Variants in EDC3 observed in about 807,000 individuals in gnomAD.
The protein encoded by EDC3 is enhancer of mRNA-decapping protein 3.
Under a neutral mutation model 41.8 loss-of-function variants are expected in EDC3, and 20 were observed. The ratio of observed to expected loss-of-function variants is 0.48; its 90% CI spans 0.34 to 0.70. The LOEUF (loss-of-function observed/expected upper bound fraction) is 0.70, where lower values mean the gene tolerates loss of function less well. EDC3 is among the 30% of genes least tolerant of loss of function. The pLI, the probability that EDC3 is intolerant of heterozygous loss-of-function variation, is 0.01. For synonymous variants in EDC3, 206 were observed against 243.2 expected (o/e 0.85, Z 1.42); for missense variants, 444 against 636.8 (o/e 0.70, Z 3.26).
intron 3 of EDC3, among the ~76,000 whole-genome samples, chr15:74,659,828 T>G (rs2062600183): frequency 6.6e-6 from 1 of 151,948 alleles, no homozygotes; most frequent in South Asian, 2.1e-4. Flanking sequence ...GGGCGGATCA[T>G]GAGGTCAGGA....
intron 1 of EDC3, chr15:74,679,777 A>AC (rs1170558747): frequency 2.0e-5 from 3 of 149,432 alleles, no homozygotes; most frequent in Admixed American, 6.7e-5. Flanking sequence ...AAAAAAAAAA[A>AC]AAAAACAGGT....
intron 5 of EDC3, 185 bp from the exon 6 acceptor site, chr15:74,635,811 C>A: frequency 3.3e-6 from 2 of 605,844 alleles, no homozygotes; most frequent in Non-Finnish European, 5.8e-6. Flanking sequence ...CTCCTGTTGT[C>A]CCAAACCCCA....
chr15:74,664,919 C>T (rs1344412146), intron 3 of EDC3, among the ~76,000 whole-genome samples: 1 of 152,230 alleles, frequency 6.6e-6, no homozygotes, highest in Non-Finnish European at 1.5e-5. Context: ...CATTTCTCTC[C>T]ACCTCCAGTA....
At position 74,632,144 on chromosome 15, in the gene EDC3, A is replaced by T. The variant is rs963417450; in HGVS notation, c.*468T>A. On this transcript the variant is annotated 3_prime_UTR_variant, in exon 7 of 7. Transcript: ENST00000315127. This position sits in a 1 kb window ranked among gnomAD's most constrained non-coding sequence, Gnocchi z 4.0. ...AGAGTGCAGGTCTGCCCTCTGGTGG[A>T]CAGCTGCCGTGCAGCTGGTTCTACA... 69 of 199,174 alleles carry T rather than the reference A, an allele frequency of 3.5e-4. No individual in the cohort carries two copies. Among genetic ancestry groups the T allele is most frequent in the African/African-American group, 1.4e-3 (62 of 43,438 alleles). The allele number at this position is 199,174 out of a possible 1,614,324, so 12.3% of individuals were successfully genotyped here.
At chr15:74,656,868 G>A (rs929329121) in intron 3 of EDC3, among the ~76,000 whole-genome samples, 3 of 152,212 alleles carry the variant, frequency 2.0e-5, no homozygotes, top group Non-Finnish European at 4.4e-5. Flanking sequence ...GGATGTCAGA[G>A]AGAAGTGGCT....
intron 4 of EDC3, among the ~76,000 whole-genome samples, chr15:74,655,027 T>C (rs1170503517): frequency 6.6e-6 from 1 of 152,200 alleles, no homozygotes; most frequent in African/African-American, 2.4e-5. Flanking sequence ...GCCCAGTTAG[T>C]AATGTGGTTT....
intron 1 of EDC3, chr15:74,679,740 T>TGA (rs1213270707): frequency 4.6e-5 from 5 of 109,838 alleles, no homozygotes; most frequent in Middle Eastern, 7.9e-3. Context: ...GGCAACACAG[T>TGA]GAGACCTTAT....
intron 4 of EDC3, chr15:74,642,484 T>A (rs938102486): frequency 1.3e-5 from 2 of 152,206 alleles, no homozygotes; most frequent in African/African-American, 4.8e-5. Flanking sequence ...TCAGAACTAA[T>A]TAGGCTGAAC....
intron 3 of EDC3, among the ~76,000 whole-genome samples, chr15:74,659,778 G>A (rs2062599692): frequency 6.6e-6 from 1 of 152,014 alleles, no homozygotes; most frequent in Non-Finnish European, 1.5e-5. Context: ...TGGGAGCGGT[G>A]GCTCATGCCT....
At chr15:74,663,684 C>A (rs2062646838) in intron 3 of EDC3, among the ~76,000 whole-genome samples, 1 of 135,498 alleles carries the variant, frequency 7.4e-6, no homozygotes, top group Admixed American at 7.6e-5. Flanking sequence ...AGAAAGAAAA[C>A]TTTTGTTCAG....
rs147740890 is a variant in EDC3 at position 74,651,576 on chromosome 15, G to T, written c.820+4157C>A. 8.3e-3 allele frequency among the ~76,000 whole-genome samples: 1,257 copies of T among 152,326 alleles called. 5 individuals carry two copies. Among genetic ancestry groups the T allele is most frequent in the Non-Finnish European group, 0.012 (819 of 68,026 alleles). ...TCAATATATAGGGCACCAGCAGCAA[G>T]CTGTCAGAATCCTAAATCCCAAGCC... On this transcript the variant is annotated intron_variant, in intron 4 of 6. Transcript: ENST00000315127.
chr15:74,658,967 A>T (rs991699484), intron 3 of EDC3, among the ~76,000 whole-genome samples: 3 of 152,022 alleles, frequency 2.0e-5, no homozygotes, highest in Non-Finnish European at 2.9e-5. Flanking sequence ...CAAAACACTA[A>T]GGCTGACCAA....
At position 74,681,901 on chromosome 15, in the gene EDC3, T is replaced by C. The variant is rs184728653; in HGVS notation, c.-18-6759A>G. On this transcript the variant is annotated intron_variant, in intron 1 of 6. Transcript: ENST00000315127. Reference sequence around the variant, plus strand: ...TCCATAAAAAGAAAAGCTGGTCAACTAGACTTCTTGAAAATTAAAATTTTT... The same window carrying C: ...TCCATAAAAAGAAAAGCTGGTCAACCAGACTTCTTGAAAATTAAAATTTTT... 3.7e-3 allele frequency among the ~76,000 whole-genome samples: 556 copies of C among 152,310 alleles called. 4 individuals are homozygous for C. The highest frequency in any genetic ancestry group is 0.013 in the African/African-American group (535 of 41,570).
intron 3 of EDC3, among the ~76,000 whole-genome samples, chr15:74,662,511 T>C (rs2062632538): frequency 6.6e-6 from 1 of 151,796 alleles, no homozygotes; most frequent in Non-Finnish European, 1.5e-5. Context: ...AAGGGCAACT[T>C]GAGATTAACT....
In EDC3 at chr15:74,681,466, A is replaced by G. The variant is rs118155617; in HGVS notation, c.-18-6324T>C. On this transcript the variant is annotated intron_variant, in intron 1 of 6. Transcript: ENST00000315127. The stretch of plus-strand genomic sequence containing the variant: ...CGCCTGGCTGCTAAATCAATTTTTT[A>G]TAAGAAAGTGGGAACAATCAGTCTA... 1.6e-4 allele frequency among the ~76,000 whole-genome samples: 25 copies of G among 152,258 alleles called. No individual in the cohort carries two copies. The East Asian group carries it at 4.6e-3, about 28-fold the overall frequency.
chr15:74,659,680 G>A (rs2062598470), intron 3 of EDC3, among the ~76,000 whole-genome samples: 3 of 151,538 alleles, frequency 2.0e-5, no homozygotes, highest in African/African-American at 7.3e-5. Context: ...AGACCAGCTT[G>A]GGCAACATAG....
rs369205644 is a variant in EDC3, at chr15:74,658,625, A to G, written c.485-2557T>C. Among the ~76,000 whole-genome samples the G allele has an allele frequency of 4.8e-3, 357 of 74,096 alleles. 1 individual carries two copies. The highest frequency in any genetic ancestry group is 0.022 in the South Asian group (33 of 1,470). The allele number at this position is 74,096 out of a possible 152,430, so 48.6% of individuals were successfully genotyped here. On this transcript the variant is annotated intron_variant, in intron 3 of 6. Coordinates refer to ENST00000315127, the MANE Select transcript of EDC3 (RefSeq NM_025083.5). ...AGTGAAGATGCAATTTACGTCTCTG[A>G]AAAAAAAAAAAAAAAAAAAAAAAAA... is the stretch of plus-strand genomic sequence containing the variant.
intron 4 of EDC3, among the ~76,000 whole-genome samples, chr15:74,652,231 C>CTT (rs1458703072): frequency 4.9e-4 from 70 of 143,370 alleles, no homozygotes; most frequent in African/African-American, 1.6e-3. Context: ...TATATTTTTC[C>CTT]TTTTTTTTTT....
At chr15:74,694,195 C>T (rs924149543) in intron 1 of EDC3, among the ~76,000 whole-genome samples, 11 of 152,250 alleles carry the variant, frequency 7.2e-5, no homozygotes, top group Admixed American at 2.0e-4. Flanking sequence ...TCACAAATGG[C>T]AAGGATTTTA....
Sources: allele counts gnomAD v4.1 joint callset (sites outside exome capture counted in the v4.1 genomes callset), GRCh38; gene constraint gnomAD v4.1.1; non-coding constraint Gnocchi (gnomAD v3.1); transcripts MANE v1.5; gene names NCBI Gene and HGNC (gene_info 2026-07-23, HGNC 2026-07-21).